Variants in RNF17 observed in about 807,000 individuals in gnomAD.
The protein encoded by RNF17 is ring finger protein 17, also known as spermatogenesis associated 23.
A neutral mutation model predicts 200.5 loss-of-function variants in RNF17; 31 were observed. The ratio of observed to expected loss-of-function variants is 0.15; its 90% CI spans 0.12 to 0.21. The LOEUF (loss-of-function observed/expected upper bound fraction) is 0.21, where lower values mean the gene tolerates loss of function less well. RNF17 is among the 10% of genes least tolerant of loss of function. The probability of loss-of-function intolerance (pLI) is 1.00; values close to 1 mark genes in which losing one functional copy is unlikely to be tolerated. For synonymous variants in RNF17, 606 were observed against 637.8 expected (o/e 0.95, Z 0.75); for missense variants, 1,628 against 1,905.1 (o/e 0.85, Z 2.71).
intron 15 of RNF17, among the ~76,000 whole-genome samples, chr13:24,820,952 G>A (rs1047430192): frequency 2.0e-5 from 3 of 152,134 alleles, no homozygotes; most frequent in South Asian, 2.1e-4. Flanking sequence ...ACAAATTACT[G>A]TTAATTGGGC....
chr13:24,862,889 T>TC, intron 28 of RNF17, 96 bp downstream of exon 28: 1 of 642,098 alleles, frequency 1.6e-6, no homozygotes, highest in East Asian at 3.0e-5. Flanking sequence ...AGCAATGGTA[T>TC]ATACCTTCTT....
intron 35 of RNF17, 145 bp from the exon 36 acceptor site, chr13:24,879,592 T>G: frequency 4.4e-6 from 1 of 226,158 alleles, no homozygotes; most frequent in Non-Finnish European, 8.6e-6. Context: ...GCTAAGCACA[T>G]AGAACTACTG....
rs1885582148 is a variant in RNF17 at position 24,804,219 on chromosome 13, C to T, written c.1950-69C>T. On this transcript the variant is annotated intron_variant, in intron 14 of 35. Transcript: ENST00000255324. ...TAGAGGCTGCAGTGAGCCATGATAG[C>T]ACCACTGCACTCCAGCCTGGGTGAC... 1.4e-5 allele frequency: 20 copies of T among 1,418,810 alleles called. No homozygotes were observed. The South Asian group carries it at 2.4e-4, about 17-fold the overall frequency. The allele number at this position is 1,418,810 out of a possible 1,614,324, so 87.9% of individuals were successfully genotyped here. A position where few individuals can be genotyped will look rare whatever the true frequency, so the allele number is the denominator to read the frequency against.
intron 16 of RNF17, among the ~76,000 whole-genome samples, chr13:24,830,043 A>G (rs948888201): frequency 6.6e-6 from 1 of 152,212 alleles, no homozygotes; most frequent in Admixed American, 6.5e-5. Flanking sequence ...GTTAGATTAT[A>G]TTGGTATACC....
chr13:24,804,133 G>GC (rs778370207), intron 14 of RNF17, among the ~76,000 whole-genome samples, 155 bp from the exon 15 acceptor site: 16 of 152,248 alleles, frequency 1.1e-4, no homozygotes, highest in South Asian at 6.2e-4. Flanking sequence ...GTGATGGCAT[G>GC]CCCCTGTGGT....
chr13:24,861,909 A>G (rs1893138209), intron 27 of RNF17, among the ~76,000 whole-genome samples: 1 of 152,206 alleles, frequency 6.6e-6, no homozygotes, highest in Non-Finnish European at 1.5e-5. Flanking sequence ...AAAGAGGGTT[A>G]ATTGACTCAC....
intron 15 of RNF17, among the ~76,000 whole-genome samples, chr13:24,805,814 AC>A (rs1304384629): frequency 1.3e-5 from 2 of 151,822 alleles, no homozygotes; most frequent in East Asian, 3.9e-4. Flanking sequence ...TTACATTCTT[AC>A]CAGCAATCCA....
the RNF17 span, chr13:24,886,020 G>A: frequency 8.0e-6 from 3 of 376,544 alleles, no homozygotes; most frequent in Non-Finnish European, 1.5e-5. Flanking sequence ...AAATAACTGG[G>A]TATTTAGTTA....
chr13:24,750,862 T>G, the RNF17 span: 1 of 152,238 alleles, frequency 6.6e-6, no homozygotes, highest in Non-Finnish European at 1.5e-5. Context: ...ATCTAGTTGC[T>G]GTTCAAGCTA....
Position 24,825,686 on chromosome 13 carries a change from A to G in RNF17, c.2159A>G (p.Glu720Gly). The change falls in exon 16 of 36, where the codon GAA (glutamate) becomes GGA (glycine). Residue 720 changes from glutamate to glycine, a missense_variant. Transcript: ENST00000255324. Reference sequence around the variant, plus strand: ...GAATTCTATAAAAGTGAAGATGGAGAAAATCTGGAAATCCTCTGTCCAGTT... The same window carrying G: ...GAATTCTATAAAAGTGAAGATGGAGGAAATCTGGAAATCCTCTGTCCAGTT... The part of the protein sequence containing the change: ...IEEFYKSEDG[E>G]NLEILCPVQD... 6.2e-7 allele frequency: 1 copy of G among 1,612,128 alleles called. No homozygotes were observed. The highest frequency in any genetic ancestry group is 8.5e-7 in the Non-Finnish European group (1 of 1,178,290).
At chr13:24,871,884 GC>G (rs1342501804) in intron 32 of RNF17, among the ~76,000 whole-genome samples, 1 of 151,208 alleles carries the variant, frequency 6.6e-6, no homozygotes, top group Admixed American at 6.6e-5. Flanking sequence ...ACCCGCCTTG[GC>G]CTCCTGAAGT....
chr13:24,815,781 G>A (rs1887327310), intron 15 of RNF17, among the ~76,000 whole-genome samples: 1 of 152,056 alleles, frequency 6.6e-6, no homozygotes. Flanking sequence ...GTCAAGAAAG[G>A]GTGTTCAATT....
intron 3 of RNF17, among the ~76,000 whole-genome samples, chr13:24,776,300 A>G (rs1280809851): frequency 6.6e-6 from 1 of 152,188 alleles, no homozygotes. Flanking sequence ...TTCATTAAGT[A>G]TTCAATTAAA....
rs547483711 is a variant in RNF17 at position 24,789,678 on chromosome 13, A to G, written c.861-20A>G. 1.4e-6 allele frequency: 2 copies of G among 1,441,864 alleles called. No individual in the cohort carries two copies. Among genetic ancestry groups the G allele is most frequent in the South Asian group, 2.3e-5 (2 of 86,596 alleles). 89.3% of individuals were successfully genotyped at this position (1,441,864 alleles called of 1,614,324 possible). ...CATTTGTATTAGAACATTTATGTATATGTTAATGTTTTATTATAGGTTGAG... is the reference window on the plus strand; with the variant it reads ...CATTTGTATTAGAACATTTATGTATGTGTTAATGTTTTATTATAGGTTGAG... On this transcript the variant is annotated intron_variant, in intron 8 of 35. Coordinates refer to ENST00000255324, the MANE Select transcript of RNF17 (RefSeq NM_031277.3).
chr13:24,772,720 C>T (rs1464761191), intron 2 of RNF17, among the ~76,000 whole-genome samples: 1 of 151,980 alleles, frequency 6.6e-6, no homozygotes, highest in Non-Finnish European at 1.5e-5. Flanking sequence ...ACGCCATTCT[C>T]CTGCCTCAGC....
At chr13:24,841,419 A>G (rs1177284459) in intron 18 of RNF17, among the ~76,000 whole-genome samples, 1 of 152,226 alleles carries the variant, frequency 6.6e-6, no homozygotes, top group Admixed American at 6.5e-5. Context: ...AAAACAATTA[A>G]GAATACAACA....
chr13:24,798,052 A>G lies in RNF17; in HGVS notation c.1400-1343A>G, dbSNP rs149118755. 1.6e-4 allele frequency among the ~76,000 whole-genome samples: 25 copies of G among 152,214 alleles called. 1 individual carries two copies. The highest frequency in any genetic ancestry group is 6.0e-4 in the African/African-American group (25 of 41,520). On this transcript the variant is annotated intron_variant, in intron 11 of 35. Transcript: ENST00000255324. ...TAATTCTTTGAGTTAACCCACTACC[A>G]CTATGACTGCCGTCACTCACTGATT...
intron 1 of RNF17, 199 bp downstream of exon 1, chr13:24,764,532 C>T (rs1311786221): frequency 3.2e-5 from 11 of 341,598 alleles, no homozygotes; most frequent in African/African-American, 4.5e-5. Context: ...GCACCTGCGC[C>T]TGTCACGGCT....
chr13:24,805,764 T>C (rs1885769301), intron 15 of RNF17, among the ~76,000 whole-genome samples: 1 of 152,222 alleles, frequency 6.6e-6, no homozygotes. Context: ...TTTAACTTTT[T>C]GGGGGAACTG....
Sources: allele counts gnomAD v4.1 joint callset (sites outside exome capture counted in the v4.1 genomes callset), GRCh38; gene constraint gnomAD v4.1.1; transcripts MANE v1.5; gene names NCBI Gene and HGNC (gene_info 2026-07-23, HGNC 2026-07-21).